LMX1A: variants seen among roughly 807,000 people sequenced by gnomAD.
The protein encoded by LMX1A is LIM homeobox transcription factor 1-alpha.
LMX1A carries 15 observed loss-of-function variants against 49.1 expected under a neutral mutation model. The observed-to-expected ratio is 0.31, with a 90% CI of 0.20 to 0.47. The LOEUF is 0.47. Among genes scored for constraint, LMX1A ranks in the 20% least tolerant of loss-of-function variants. The pLI is 1.00. For missense variants in LMX1A, 372 were observed against 475.8 expected (o/e 0.78, Z 2.03); for synonymous variants, 167 against 185.7 (o/e 0.90, Z 0.82).
chr1:165,270,020 A>C (rs7530861), intron 3 of LMX1A, among the ~76,000 whole-genome samples: 62,099 of 151,790 alleles, frequency 0.41, 12,973 homozygotes, highest in Admixed American at 0.46. Context: ...CAAACCTGCA[A>C]ATCCTGCACA....
intron 3 of LMX1A, among the ~76,000 whole-genome samples, chr1:165,274,878 A>C (rs1252689499): frequency 6.6e-6 from 1 of 152,146 alleles, no homozygotes; most frequent in Non-Finnish European, 1.5e-5. Context: ...AAATAATAAC[A>C]CTTACCTCAT....
chr1:165,209,437 G>A (rs954795426), intron 6 of LMX1A, among the ~76,000 whole-genome samples: 4 of 152,188 alleles, frequency 2.6e-5, no homozygotes, highest in African/African-American at 9.7e-5. Flanking sequence ...AAAGACCCAG[G>A]TATGATTAGA....
chr1:165,352,865 G>C (rs1024829983), intron 3 of LMX1A, among the ~76,000 whole-genome samples: 5 of 152,264 alleles, frequency 3.3e-5, no homozygotes, highest in African/African-American at 1.2e-4. Context: ...ACTTCTGCGG[G>C]ACTCGGGCCA....
At chr1:165,323,853 G>A (rs1655494178) in intron 3 of LMX1A, among the ~76,000 whole-genome samples, 1 of 151,976 alleles carries the variant, frequency 6.6e-6, no homozygotes, top group Non-Finnish European at 1.5e-5. Flanking sequence ...AATACCAAAG[G>A]CAAAGACTTT....
chr1:165,319,840 C>T lies in LMX1A; in HGVS notation c.263+33236G>A, dbSNP rs544559525. Among the ~76,000 whole-genome samples, 151 of 152,142 alleles carry T rather than the reference C, an allele frequency of 9.9e-4. 1 individual carries two copies. The highest frequency in any genetic ancestry group is 3.4e-3 in the African/African-American group (142 of 41,536). ...GTGGGATCATAGATTATTTTCATTT[C>T]TTTATATTTTTAATATTTTCCAAAT... On this transcript the variant is annotated intron_variant, in intron 3 of 8. Transcript: ENST00000342310.
Position 165,228,826 on chromosome 1 carries a change from C to T in LMX1A, c.497-15013G>A, listed in dbSNP as rs1652136944. ...AGATCCAGGAGGCCACATGCAAAAA[C>T]CAGAGGCCAGAAATGACTTTAAAGG... is the stretch of plus-strand genomic sequence containing the variant. On this transcript the variant is annotated intron_variant, in intron 4 of 8. Transcript: ENST00000342310. Among the ~76,000 whole-genome samples, 3 of 152,036 alleles carry T rather than the reference C, an allele frequency of 2.0e-5. 1 individual carries two copies. The South Asian group carries it at 6.2e-4, about 32-fold the overall frequency.
rs1571139725 is a variant in LMX1A, at chr1:165,202,028, G to A, written c.*1852C>T. 1 of 152,432 alleles carries A rather than the reference G, an allele frequency of 6.6e-6. No homozygotes were observed. The highest frequency in any genetic ancestry group is 2.1e-4 in the South Asian group (1 of 4,778). 9.4% of individuals were successfully genotyped at this position (152,432 alleles called of 1,614,324 possible). A position where few individuals can be genotyped will look rare whatever the true frequency, so the allele number is the denominator to read the frequency against. On this transcript the variant is annotated 3_prime_UTR_variant, in exon 9 of 9. Coordinates refer to ENST00000342310, the MANE Select transcript of LMX1A (RefSeq NM_177398.4). ...GCATCTGCATAATTTTCACTCATCA[G>A]ACTGGTTTGGGTTTCTTGGTGGTTT... is the stretch of plus-strand genomic sequence containing the variant.
intron 3 of LMX1A, among the ~76,000 whole-genome samples, chr1:165,348,535 C>T (rs961284335): frequency 1.3e-5 from 2 of 152,110 alleles, no homozygotes; most frequent in African/African-American, 4.8e-5. Flanking sequence ...AGTTTATTGC[C>T]TAGCTGTGTT....
rs758861406 is a variant in LMX1A at position 165,353,192 on chromosome 1, C to T, written c.147G>A (p.Arg49=). 6.2e-7 allele frequency: 1 copy of T among 1,613,982 alleles called. No homozygotes were observed. Among genetic ancestry groups the T allele is most frequent in the African/African-American group, 1.3e-5 (1 of 74,926 alleles). ...QRVILDRFLL[R]LNDSFWHEQC... The stretch of plus-strand genomic sequence containing the variant: ...GCTCATGCCAGAAGCTGTCGTTGAG[C>T]CGCAGCAGAAACCTGTCCAAGATGA... Residue 49 remains arginine (R), a synonymous_variant, in exon 3 of 9, where the codon CGG becomes CGA. Transcript: ENST00000342310.
chr1:165,333,124 T>G (rs1321843355), intron 3 of LMX1A, among the ~76,000 whole-genome samples: 1 of 152,200 alleles, frequency 6.6e-6, no homozygotes, highest in Non-Finnish European at 1.5e-5. Context: ...CACTAGGCCT[T>G]TATTCTTACC....
At chr1:165,313,889 G>A (rs1655146818) in intron 3 of LMX1A, among the ~76,000 whole-genome samples, 1 of 152,080 alleles carries the variant, frequency 6.6e-6, no homozygotes, top group South Asian at 2.1e-4. Context: ...ATCCCTGCAG[G>A]TAACAACAAC....
At chr1:165,291,940 T>C (rs1420192881) in intron 3 of LMX1A, among the ~76,000 whole-genome samples, 5 of 151,644 alleles carry the variant, frequency 3.3e-5, no homozygotes, top group African/African-American at 1.2e-4. Context: ...CGCGCGCTTG[T>C]AGTCCCAGCT....
intron 3 of LMX1A, among the ~76,000 whole-genome samples, chr1:165,341,157 C>G (rs1221688041): frequency 6.6e-6 from 1 of 152,170 alleles, no homozygotes; most frequent in African/African-American, 2.4e-5. Context: ...ACTGAATGTT[C>G]TTTGTATGTT....
chr1:165,233,621 C>T (rs1388667611), intron 4 of LMX1A, among the ~76,000 whole-genome samples: 1 of 152,162 alleles, frequency 6.6e-6, no homozygotes, highest in Non-Finnish European at 1.5e-5. Context: ...ATGCCCCACC[C>T]GAATTTTATC....
At position 165,340,404 on chromosome 1, in the gene LMX1A, C is replaced by T. The variant is rs542261926; in HGVS notation, c.263+12672G>A. On this transcript the variant is annotated intron_variant, in intron 3 of 8. Coordinates refer to ENST00000342310, the MANE Select transcript of LMX1A (RefSeq NM_177398.4). ...GAGCCACTGTACCTGGCCAAAACTA[C>T]GCTTGGTAAGGGCAAACAGGAAGCC... Among the ~76,000 whole-genome samples, 8 of 152,242 alleles carry T rather than the reference C, an allele frequency of 5.3e-5. No individual in the cohort carries two copies. In the South Asian group the frequency reaches 1.5e-3, roughly 28 times the overall value.
Position 165,203,742 on chromosome 1 carries a change from C to T in LMX1A, c.*138G>A. On this transcript the variant is annotated 3_prime_UTR_variant, in exon 9 of 9. Coordinates refer to ENST00000342310, the MANE Select transcript of LMX1A (RefSeq NM_177398.4). ...TTGGAAATGCTGAGCTACACCATATCATTATACAACAGCATCCCCAACAAA... is the reference window on the plus strand; with the variant it reads ...TTGGAAATGCTGAGCTACACCATATTATTATACAACAGCATCCCCAACAAA... 1.2e-5 allele frequency: 8 copies of T among 660,540 alleles called. No individual in the cohort carries two copies. Among genetic ancestry groups the T allele is most frequent in the Non-Finnish European group, 2.2e-5 (8 of 371,776 alleles). The allele number at this position is 660,540 out of a possible 1,614,324, so 40.9% of individuals were successfully genotyped here.
At chr1:165,276,096 A>G (rs1653960137) in intron 3 of LMX1A, among the ~76,000 whole-genome samples, 1 of 152,070 alleles carries the variant, frequency 6.6e-6, no homozygotes, top group Non-Finnish European at 1.5e-5. Context: ...AGAAGAAAGG[A>G]AAAATCAAGT....
In LMX1A at chr1:165,355,913, C is replaced by A. The variant is rs534875048; in HGVS notation, c.-22-332G>T. 5.9e-5 allele frequency among the ~76,000 whole-genome samples: 9 copies of A among 152,172 alleles called. No individual in the cohort carries two copies. Among genetic ancestry groups the A allele is most frequent in the Non-Finnish European group, 1.2e-4 (8 of 68,038 alleles). ...GAATCCGACTCCGCCCCAACCTATA[C>A]GAAGGTGGGCCCTCGGGACGTCTCT... On this transcript the variant is annotated intron_variant, in intron 1 of 8. Coordinates refer to ENST00000342310, the MANE Select transcript of LMX1A (RefSeq NM_177398.4). The surrounding 1 kb of genome is among the most constrained non-coding windows in gnomAD (Gnocchi z 4.7).
intron 4 of LMX1A, among the ~76,000 whole-genome samples, chr1:165,232,316 C>T (rs1413376631): frequency 6.6e-6 from 1 of 152,212 alleles, no homozygotes; most frequent in Admixed American, 6.5e-5. Context: ...GAGAGGGAAG[C>T]ATTTTCCATT....
Sources: gnomAD v4.1 joint callset for allele counts (sites outside exome capture counted in the v4.1 genomes callset) on GRCh38, gnomAD v4.1.1 for gene constraint, Gnocchi (gnomAD v3.1) non-coding constraint, MANE v1.5 for transcripts, NCBI Gene and HGNC (gene_info 2026-07-23, HGNC 2026-07-21) for gene names.